Variants in SRGAP1 observed in about 807,000 individuals in gnomAD.
SRGAP1 encodes the protein SLIT-ROBO Rho GTPase-activating protein 1.
Under a neutral mutation model 121.9 loss-of-function variants are expected in SRGAP1, and 43 were observed. The ratio of observed to expected loss-of-function variants is 0.35; its 90% CI spans 0.28 to 0.46. The LOEUF is 0.46. Among genes scored for constraint, SRGAP1 ranks in the 20% least tolerant of loss-of-function variants. The probability of loss-of-function intolerance (pLI) is 1.00; values close to 1 mark genes in which losing one functional copy is unlikely to be tolerated. For missense variants in SRGAP1, 1,102 were observed against 1,350.9 expected, an observed-to-expected ratio of 0.82 and a Z score of 2.89; for synonymous variants, 447 against 485.4, an observed-to-expected ratio of 0.92 and a Z score of 1.04.
At chr12:63,863,491 C>T (rs1388757212) in intron 1 of SRGAP1, among the ~76,000 whole-genome samples, 6 of 151,986 alleles carry the variant, frequency 3.9e-5, no homozygotes, top group African/African-American at 1.2e-4. Flanking sequence ...AGGCTGGTCT[C>T]GAACTCCTGG....
chr12:64,111,681 T>C (rs2136615973), intron 16 of SRGAP1, 81 bp from the exon 17 acceptor site: 1 of 1,207,592 alleles, frequency 8.3e-7, no homozygotes, highest in East Asian at 2.5e-5. Context: ...TATTAAAGTA[T>C]TGAAGTATCT....
Position 64,142,884 on chromosome 12 carries a change from T to G in SRGAP1, c.*212T>G. On this transcript the variant is annotated 3_prime_UTR_variant, in exon 22 of 22. Transcript: ENST00000355086. ...TTTTTAAATAACTGGACATATGTCATTTTAAGGACAATAGAAACACTTAGA... is the reference window on the plus strand; with the variant it reads ...TTTTTAAATAACTGGACATATGTCAGTTTAAGGACAATAGAAACACTTAGA... The G allele has an allele frequency of 1.6e-6, 1 of 632,958 alleles. No individual in the cohort carries two copies. Among genetic ancestry groups the G allele is most frequent in the South Asian group, 2.1e-5 (1 of 46,554 alleles). 39.2% of individuals were successfully genotyped at this position (632,958 alleles called of 1,614,324 possible). A position where few individuals can be genotyped will look rare whatever the true frequency, so the allele number is the denominator to read the frequency against.
chr12:63,941,820 C>A (rs1167816841), intron 1 of SRGAP1, among the ~76,000 whole-genome samples: 1 of 152,118 alleles, frequency 6.6e-6, no homozygotes, highest in African/African-American at 2.4e-5. Context: ...AGCCTGGATT[C>A]TGTTGAATAG....
intron 1 of SRGAP1, among the ~76,000 whole-genome samples, chr12:63,895,775 G>A (rs1322378898): frequency 6.6e-6 from 1 of 152,180 alleles, no homozygotes; most frequent in Non-Finnish European, 1.5e-5. Flanking sequence ...TGGGGTTATT[G>A]TTAACTTCGT....
rs935170601 is a variant in SRGAP1, at chr12:64,158,993, G to A, written c.*16321G>A. The A allele has an allele frequency of 6.6e-6, 1 of 152,028 alleles. No individual in the cohort carries two copies. 9.4% of individuals were successfully genotyped at this position (152,028 alleles called of 1,614,324 possible). On this transcript the variant is annotated 3_prime_UTR_variant, in exon 22 of 22. Coordinates refer to ENST00000355086, the MANE Select transcript of SRGAP1 (RefSeq NM_020762.4). ...GTACTAAATCTAGCCAGTGGGTTGT[G>A]AGCAAAAATGATCTGTGTCACTTGT... is the stretch of plus-strand genomic sequence containing the variant.
At chr12:63,923,967 C>A (rs1232515514) in intron 1 of SRGAP1, among the ~76,000 whole-genome samples, 1 of 152,110 alleles carries the variant, frequency 6.6e-6, no homozygotes, top group African/African-American at 2.4e-5. Context: ...CATGGCAAAC[C>A]CTGTCTCTAC....
Position 64,126,094 on chromosome 12 carries a change from G to A in SRGAP1, c.2342G>A (p.Trp781Ter). Reference protein sequence around the residue: ...LLYHRASEDWWEGRHNGIDGL... With the variant: ...LLYHRASEDW ...TATCACCGTGCATCTGAGGACTGGT[G>A]GGAAGGCAGGCACAACGGGATTGAC... The change falls in exon 19 of 22, where the codon TGG (tryptophan) becomes TAG (stop). Residue 781 changes from tryptophan to a stop codon, truncating the protein, a stop_gained. Coordinates refer to ENST00000355086, the MANE Select transcript of SRGAP1 (RefSeq NM_020762.4). LOFTEE classifies it high-confidence loss of function. 1 of 1,614,184 alleles carries A rather than the reference G, an allele frequency of 6.2e-7. No homozygotes were observed. Among genetic ancestry groups the A allele is most frequent in the South Asian group, 1.1e-5 (1 of 91,072 alleles).
intron 3 of SRGAP1, among the ~76,000 whole-genome samples, chr12:64,000,933 C>T (rs1033167459): frequency 6.6e-6 from 1 of 152,034 alleles, no homozygotes; most frequent in African/African-American, 2.4e-5. Context: ...TTTCAACCAA[C>T]CCTTGGAGGG....
chr12:64,045,241 C>G (rs994344362), intron 6 of SRGAP1, among the ~76,000 whole-genome samples: 7 of 151,814 alleles, frequency 4.6e-5, no homozygotes, highest in African/African-American at 1.7e-4. Flanking sequence ...TTACACTGCC[C>G]CTAGATTTCC....
intron 4 of SRGAP1, among the ~76,000 whole-genome samples, chr12:64,026,505 A>C (rs2034655575): frequency 1.3e-5 from 2 of 152,188 alleles, no homozygotes; most frequent in South Asian, 4.1e-4. Context: ...TCTAACTCAC[A>C]TGATTATGTG....
chr12:63,905,361 C>T (rs1481211715), intron 1 of SRGAP1, among the ~76,000 whole-genome samples: 1 of 152,148 alleles, frequency 6.6e-6, no homozygotes, highest in Non-Finnish European at 1.5e-5. Context: ...CTCTTGAGTT[C>T]TTTGAGTTTA....
intron 1 of SRGAP1, among the ~76,000 whole-genome samples, chr12:63,878,424 G>A (rs1016112630): frequency 6.6e-6 from 1 of 152,216 alleles, no homozygotes; most frequent in Non-Finnish European, 1.5e-5. Flanking sequence ...ATAATTGAGA[G>A]TATGTTCGCA....
chr12:64,025,908 A>G (rs2034643253), intron 4 of SRGAP1, among the ~76,000 whole-genome samples: 1 of 152,202 alleles, frequency 6.6e-6, no homozygotes, highest in African/African-American at 2.4e-5. Context: ...TGACCAATTC[A>G]AGGATCTCTG....
chr12:63,885,841 C>T (rs1900362897), intron 1 of SRGAP1, among the ~76,000 whole-genome samples: 1 of 152,174 alleles, frequency 6.6e-6, no homozygotes, highest in Non-Finnish European at 1.5e-5. Context: ...TGGATGAATG[C>T]CTACACACAC....
intron 1 of SRGAP1, among the ~76,000 whole-genome samples, chr12:63,956,689 A>G (rs2032481673): frequency 7.9e-6 from 1 of 126,082 alleles, no homozygotes; most frequent in African/African-American, 3.0e-5. Flanking sequence ...TTGATAGGAT[A>G]TGTTTGCTTG....
At chr12:63,882,563 C>T (rs1382961079) in intron 1 of SRGAP1, among the ~76,000 whole-genome samples, 2 of 152,090 alleles carry the variant, frequency 1.3e-5, no homozygotes, top group East Asian at 3.8e-4. Flanking sequence ...GGATTACAGG[C>T]GTGAACTACC....
intron 1 of SRGAP1, among the ~76,000 whole-genome samples, chr12:63,869,464 T>G (rs1899775025): frequency 6.9e-6 from 1 of 145,966 alleles, no homozygotes; most frequent in Non-Finnish European, 1.5e-5. Flanking sequence ...GCATATGGTA[T>G]GTATGTGTGT....
At chr12:64,118,207 C>A (rs1413103194) in intron 18 of SRGAP1, among the ~76,000 whole-genome samples, 6 of 152,204 alleles carry the variant, frequency 3.9e-5, no homozygotes, top group Non-Finnish European at 5.9e-5. Flanking sequence ...TGTGTTCCCA[C>A]CAGCAGTGTA....
intron 1 of SRGAP1, among the ~76,000 whole-genome samples, chr12:63,953,068 T>C (rs939440984): frequency 2.0e-5 from 3 of 152,250 alleles, no homozygotes; most frequent in Non-Finnish European, 4.4e-5. Context: ...GTAATTTGCC[T>C]GAAGTCACAC....
Sources: gnomAD v4.1 joint callset for allele counts (sites outside exome capture counted in the v4.1 genomes callset) on GRCh38, gnomAD v4.1.1 for gene constraint, MANE v1.5 for transcripts, NCBI Gene and HGNC (gene_info 2026-07-23, HGNC 2026-07-21) for gene names.